IQCM: variants seen among roughly 807,000 people sequenced by gnomAD.
IQCM encodes IQ motif containing M, also known as IQ domain-containing protein M.
In IQCM, 45 loss-of-function variants were observed where a neutral mutation model predicts 57.6. The observed-to-expected ratio is 0.78, with a 90% CI of 0.62 to 1.00. The LOEUF (loss-of-function observed/expected upper bound fraction) is 1.00. Ranked by LOEUF, IQCM falls within the 50% of genes least tolerant of loss-of-function variation. The probability of loss-of-function intolerance (pLI) is 0.00; values close to 1 mark genes in which losing one functional copy is unlikely to be tolerated. For synonymous variants in IQCM, 148 were observed against 158.9 expected, an observed-to-expected ratio of 0.93 and a Z score of 0.51; for missense variants, 468 against 511.6, an observed-to-expected ratio of 0.91 and a Z score of 0.82.
At chr4:149,356,229 A>G (rs1223533953) in intron 13 of IQCM, among the ~76,000 whole-genome samples, 3 of 152,032 alleles carry the variant, frequency 2.0e-5, no homozygotes, top group East Asian at 1.9e-4. Context: ...CTTTTGCTGT[A>G]CAGAAGCTCT....
At chr4:149,395,604 T>C (rs1229164884) in intron 13 of IQCM, among the ~76,000 whole-genome samples, 1 of 151,990 alleles carries the variant, frequency 6.6e-6, no homozygotes, top group Admixed American at 6.6e-5. Context: ...CACTGGGGAA[T>C]TGCACAGCCC....
intron 7 of IQCM, among the ~76,000 whole-genome samples, chr4:149,667,686 A>G (rs1353700171): frequency 6.6e-6 from 1 of 151,996 alleles, no homozygotes; most frequent in Non-Finnish European, 1.5e-5. Context: ...ACCTTGATAA[A>G]AGGTTACAGG....
In IQCM at chr4:149,518,363, C is replaced by T. The variant is rs371358378; in HGVS notation, c.1228+30092G>A. Reference sequence around the variant, plus strand: ...AGACCTGTGAAAGGGTATTCCCTTACTCACGAATCTACCTAAAATATCACT... The same window carrying T: ...AGACCTGTGAAAGGGTATTCCCTTATTCACGAATCTACCTAAAATATCACT... On this transcript the variant is annotated intron_variant, in intron 12 of 13. Coordinates refer to ENST00000636793, the MANE Select transcript of IQCM (RefSeq NM_001363507.2). Among the ~76,000 whole-genome samples, 116 of 152,290 alleles carry T rather than the reference C, an allele frequency of 7.6e-4. 2 individuals are homozygous for T. The South Asian group carries it at 0.022, about 29-fold the overall frequency.
intron 7 of IQCM, among the ~76,000 whole-genome samples, chr4:149,632,378 T>G (rs1757340298): frequency 6.6e-6 from 1 of 152,236 alleles, no homozygotes; most frequent in African/African-American, 2.4e-5. Context: ...TCACAGGTTA[T>G]GTATGAGCTA....
chr4:149,416,150 A>G (rs1394267693), intron 13 of IQCM, among the ~76,000 whole-genome samples: 1 of 152,086 alleles, frequency 6.6e-6, no homozygotes, highest in African/African-American at 2.4e-5. Flanking sequence ...ACCAACCCAG[A>G]CAGATTTTTC....
intron 7 of IQCM, among the ~76,000 whole-genome samples, chr4:149,639,480 G>C (rs545581627): frequency 6.6e-6 from 1 of 151,000 alleles, no homozygotes; most frequent in Non-Finnish European, 1.5e-5. Flanking sequence ...AAGAAGACAA[G>C]TTAAATATTC....
intron 12 of IQCM, among the ~76,000 whole-genome samples, chr4:149,446,266 CT>C (rs745566844): frequency 1.6e-4 from 24 of 151,592 alleles, no homozygotes; most frequent in Admixed American, 2.0e-4. Flanking sequence ...AAAAAGCTGT[CT>C]TTAAAAAGGA....
At chr4:149,408,923 G>A (rs1733174352) in intron 13 of IQCM, among the ~76,000 whole-genome samples, 1 of 152,082 alleles carries the variant, frequency 6.6e-6, no homozygotes, top group Non-Finnish European at 1.5e-5. Flanking sequence ...ACCCCACCTT[G>A]CTTCAACCTA....
intron 5 of IQCM, among the ~76,000 whole-genome samples, chr4:149,703,723 A>G (rs1266818827): frequency 6.6e-6 from 1 of 151,948 alleles, no homozygotes; most frequent in Non-Finnish European, 1.5e-5. Flanking sequence ...TATTTTAACA[A>G]TATGTAGAAA....
intron 12 of IQCM, among the ~76,000 whole-genome samples, chr4:149,535,840 G>A (rs1747239163): frequency 6.6e-6 from 1 of 152,014 alleles, no homozygotes; most frequent in African/African-American, 2.4e-5. Context: ...GGAAAGTGGA[G>A]GGGAAGAAAA....
intron 13 of IQCM, among the ~76,000 whole-genome samples, chr4:149,402,519 G>A (rs891686118): frequency 6.6e-6 from 1 of 151,766 alleles, no homozygotes; most frequent in South Asian, 2.1e-4. Flanking sequence ...TCCCATGAAG[G>A]TGAAGGGGTT....
At chr4:149,420,262 A>C (rs1474313569) in intron 13 of IQCM, among the ~76,000 whole-genome samples, 5 of 152,160 alleles carry the variant, frequency 3.3e-5, no homozygotes, top group Non-Finnish European at 5.9e-5. Context: ...TCAATGATAG[A>C]CTAGATAAAG....
intron 12 of IQCM, among the ~76,000 whole-genome samples, chr4:149,485,014 C>T (rs915682037): frequency 6.6e-6 from 1 of 152,002 alleles, no homozygotes; most frequent in Admixed American, 6.6e-5. Flanking sequence ...CTAACTTTAG[C>T]ACTTTAAATA....
chr4:149,682,388 T>C (rs911172003), intron 6 of IQCM, among the ~76,000 whole-genome samples, 182 bp from the exon 7 acceptor site: 1 of 151,148 alleles, frequency 6.6e-6, no homozygotes, highest in African/African-American at 2.4e-5. Context: ...AAAGACAAAA[T>C]ACTACGAAAT....
chr4:149,627,742 A>G (rs1422490131), intron 7 of IQCM, among the ~76,000 whole-genome samples: 1 of 152,208 alleles, frequency 6.6e-6, no homozygotes, highest in African/African-American at 2.4e-5. Context: ...TTATTAGCTT[A>G]TATGGCAAAA....
intron 2 of IQCM, among the ~76,000 whole-genome samples, chr4:149,768,675 A>AG (rs1435302733): frequency 6.6e-6 from 1 of 151,906 alleles, no homozygotes. Flanking sequence ...TATTTCCCCC[A>AG]CCCCTAATCA....
intron 7 of IQCM, among the ~76,000 whole-genome samples, chr4:149,649,658 T>C (rs1436142612): frequency 1.3e-5 from 2 of 152,206 alleles, no homozygotes; most frequent in Non-Finnish European, 2.9e-5. Context: ...CAGAGCTTAA[T>C]AGGTTTCATT....
chr4:149,534,703 T>C (rs540304168), intron 12 of IQCM, among the ~76,000 whole-genome samples: 31 of 152,234 alleles, frequency 2.0e-4, no homozygotes, highest in African/African-American at 7.2e-4. Context: ...AAACATCTCC[T>C]TTTATAAGTC....
intron 5 of IQCM, among the ~76,000 whole-genome samples, chr4:149,695,469 G>A (rs1763267509): frequency 6.6e-6 from 1 of 152,130 alleles, no homozygotes; most frequent in African/African-American, 2.4e-5. Context: ...TTTAATGGAA[G>A]TAGAAGCAAG....
Sources: allele counts gnomAD v4.1 joint callset (sites outside exome capture counted in the v4.1 genomes callset), GRCh38; gene constraint gnomAD v4.1.1; transcripts MANE v1.5; gene names NCBI Gene and HGNC (gene_info 2026-07-23, HGNC 2026-07-21).